The following PITPNM3 variants were observed in gnomAD, a reference collection of about 807,000 sequenced individuals.
The protein encoded by PITPNM3 is membrane-associated phosphatidylinositol transfer protein 3.
A neutral mutation model predicts 102.0 loss-of-function variants in PITPNM3; 26 were observed. The observed-to-expected ratio is 0.25, with a 90% CI of 0.19 to 0.35. The LOEUF (loss-of-function observed/expected upper bound fraction) is 0.35, where lower values mean the gene tolerates loss of function less well. Among genes scored for constraint, PITPNM3 ranks in the 10% least tolerant of loss-of-function variants. The pLI, the probability that PITPNM3 is intolerant of heterozygous loss-of-function variation, is 1.00. For missense variants in PITPNM3, 1,083 were observed against 1,346.1 expected (o/e 0.80, Z 3.06); for synonymous variants, 578 against 558.6 (o/e 1.03, Z -0.49).
At chr17:6,533,831 A>G (rs770090065) in intron 2 of PITPNM3, among the ~76,000 whole-genome samples, 3 of 152,146 alleles carry the variant, frequency 2.0e-5, no homozygotes, top group Non-Finnish European at 4.4e-5. Flanking sequence ...TATGAGCTCC[A>G]TTGGCTGGGG....
At chr17:6,538,171 A>C (rs1446053469) in intron 1 of PITPNM3, 89 bp from the exon 2 acceptor site, 1 of 920,494 alleles carries the variant, frequency 1.1e-6, no homozygotes, top group Non-Finnish European at 1.8e-6. Flanking sequence ...ACTAAAGGCC[A>C]GTTAGCATCC....
At position 6,474,524 on chromosome 17, in the gene PITPNM3, C is replaced by A. The variant is rs950339689; in HGVS notation, c.1166G>T (p.Arg389Leu). Residue 389 changes from arginine (R) to leucine (L), a missense_variant, in exon 10 of 20, where the codon CGC becomes CTC. This residue lies in a region of PITPNM3 where 172 missense variants were observed against 175.6 expected (regional missense o/e 0.98). Transcript: ENST00000262483. ...GAAGTCGGACACATCGAAGTCAAAG[C>A]GGCCCAGGCTGACCTCAGGGAGCTG... The part of the protein sequence containing the change: ...GPQLPEVSLG[R>L]FDFDVSDFFL... The A allele has an allele frequency of 2.5e-6, 4 of 1,612,086 alleles. No homozygotes were observed. The highest frequency in any genetic ancestry group is 1.7e-5 in the Admixed American group (1 of 59,878).
chr17:6,542,074 T>A (rs1440946528), intron 1 of PITPNM3, among the ~76,000 whole-genome samples: 1 of 152,172 alleles, frequency 6.6e-6, no homozygotes. Context: ...CCTCTCTCCA[T>A]TGCCCGCTCT....
intron 16 of PITPNM3, 100 bp downstream of exon 16, chr17:6,464,070 G>A: frequency 1.3e-6 from 2 of 1,578,634 alleles, no homozygotes; most frequent in South Asian, 1.1e-5. Context: ...AGAGATGGGG[G>A]CCCACAAAGA....
intron 3 of PITPNM3, among the ~76,000 whole-genome samples, chr17:6,504,062 T>C (rs1271251540): frequency 6.6e-6 from 1 of 152,118 alleles, no homozygotes; most frequent in Middle Eastern, 3.2e-3. Context: ...ACACTCCCCA[T>C]GACCAAAGCT....
chr17:6,475,296 T>C (rs1373649244), intron 9 of PITPNM3, among the ~76,000 whole-genome samples: 2 of 152,038 alleles, frequency 1.3e-5, no homozygotes, highest in Non-Finnish European at 2.9e-5. Flanking sequence ...AGGTGCCCAC[T>C]GTCCCGGGAA....
chr17:6,470,562 C>T lies in PITPNM3; in HGVS notation c.1625-154G>A, dbSNP rs1039344264. On this transcript the variant is annotated intron_variant, in intron 12 of 19. Coordinates refer to ENST00000262483, the MANE Select transcript of PITPNM3 (RefSeq NM_031220.4). This position sits in a 1 kb window ranked among gnomAD's most constrained non-coding sequence, Gnocchi z 4.8. ...CCTGGCCTGGAGGAGGCCTGGGGAACGCGCTGCTCTTCCTCCTTCCTTCTC... is the reference window on the plus strand; with the variant it reads ...CCTGGCCTGGAGGAGGCCTGGGGAATGCGCTGCTCTTCCTCCTTCCTTCTC... Among the ~76,000 whole-genome samples the T allele has an allele frequency of 3.9e-5, 6 of 152,110 alleles. No individual in the cohort carries two copies. Among genetic ancestry groups the T allele is most frequent in the East Asian group, 1.9e-4 (1 of 5,168 alleles).
At chr17:6,493,607 C>A (rs1279121111) in intron 4 of PITPNM3, among the ~76,000 whole-genome samples, 5 of 152,210 alleles carry the variant, frequency 3.3e-5, no homozygotes, top group Non-Finnish European at 7.3e-5. Context: ...GAAGTTTCAT[C>A]CAGAGTCTGG....
At chr17:6,479,717 C>T (rs926366079) in intron 6 of PITPNM3, 4 of 152,296 alleles carry the variant, frequency 2.6e-5, no homozygotes, top group African/African-American at 7.2e-5. Flanking sequence ...GCAGAGTCCT[C>T]GTGGTGTACA....
intron 2 of PITPNM3, among the ~76,000 whole-genome samples, chr17:6,527,541 C>A (rs948890234): frequency 2.6e-5 from 4 of 152,150 alleles, no homozygotes; most frequent in African/African-American, 7.2e-5. Context: ...ACTCTTGGTT[C>A]CACTCCTGCT....
At chr17:6,460,418 T>A (rs1040329349) in intron 18 of PITPNM3, among the ~76,000 whole-genome samples, 40 of 152,258 alleles carry the variant, frequency 2.6e-4, no homozygotes, top group African/African-American at 9.4e-4. Flanking sequence ...AATTGACATG[T>A]CCTTCCTCCT....
intron 4 of PITPNM3, among the ~76,000 whole-genome samples, chr17:6,495,380 T>A (rs1229624368): frequency 6.6e-6 from 1 of 152,108 alleles, no homozygotes; most frequent in Non-Finnish European, 1.5e-5. Flanking sequence ...TTCCAAAAGC[T>A]CTTTTGTTCC....
intron 3 of PITPNM3, among the ~76,000 whole-genome samples, chr17:6,513,107 T>C (rs1907967288): frequency 1.3e-5 from 2 of 151,916 alleles, no homozygotes; most frequent in Non-Finnish European, 2.9e-5. Flanking sequence ...CAACACCCTT[T>C]TATGGTAAAA....
intron 9 of PITPNM3, 46 bp downstream of exon 9, chr17:6,476,983 T>G: frequency 6.2e-7 from 1 of 1,603,504 alleles, no homozygotes; most frequent in Non-Finnish European, 8.5e-7. Flanking sequence ...CCCTCCCAGT[T>G]GGCTCTGAGC....
chr17:6,529,438 C>CA (rs1909020510), intron 2 of PITPNM3, among the ~76,000 whole-genome samples: 1 of 151,868 alleles, frequency 6.6e-6, no homozygotes, highest in Non-Finnish European at 1.5e-5. Context: ...ACTAAAAATA[C>CA]AAAAAATTAG....
chr17:6,451,429 G>A lies in PITPNM3; in HGVS notation c.*3909C>T, dbSNP rs1197307688. 6.6e-6 allele frequency: 1 copy of A among 152,174 alleles called. No homozygotes were observed. The highest frequency in any genetic ancestry group is 2.4e-5 in the African/African-American group (1 of 41,410). 9.4% of individuals were successfully genotyped at this position (152,174 alleles called of 1,614,324 possible). A position where few individuals can be genotyped will look rare whatever the true frequency, so the allele number is the denominator to read the frequency against. On this transcript the variant is annotated 3_prime_UTR_variant, in exon 20 of 20. Coordinates refer to ENST00000262483, the MANE Select transcript of PITPNM3 (RefSeq NM_031220.4). ...AGCGTTTCTAACGGATTTTGTACAA[G>A]GCAGCCATAAGGAATATAATAAACC...
At chr17:6,456,936 C>A (rs1423468948) in intron 19 of PITPNM3, among the ~76,000 whole-genome samples, 1 of 152,198 alleles carries the variant, frequency 6.6e-6, no homozygotes. Flanking sequence ...AATGTCCTCT[C>A]GGCTTTTCTT....
At chr17:6,518,195 T>C (rs1407216412) in intron 3 of PITPNM3, among the ~76,000 whole-genome samples, 1 of 152,156 alleles carries the variant, frequency 6.6e-6, no homozygotes, top group Non-Finnish European at 1.5e-5. Flanking sequence ...AATCTATTTG[T>C]CAGGATTCTT....
In PITPNM3 at chr17:6,471,123, C is replaced by T. The variant is rs749480516; in HGVS notation, c.1624+38G>A. ...AACACCCAGAGGAAGGTTCCCCTCC[C>T]CCGAATCCAGGCAGGGCCCCAAAAG... On this transcript the variant is annotated intron_variant, in intron 12 of 19. Transcript: ENST00000262483. The T allele has an allele frequency of 6.2e-6, 10 of 1,608,890 alleles. No homozygotes were observed. The Admixed American group carries it at 1.3e-4, about 22-fold the overall frequency.
Sources: gnomAD v4.1 joint callset for allele counts (sites outside exome capture counted in the v4.1 genomes callset) on GRCh38, gnomAD v4.1.1 for gene constraint, gnomAD v4.1.1 regional missense constraint, Gnocchi (gnomAD v3.1) non-coding constraint, MANE v1.5 for transcripts, NCBI Gene and HGNC (gene_info 2026-07-23, HGNC 2026-07-21) for gene names.